The following NCF2 variants were observed in gnomAD, a reference collection of about 807,000 sequenced individuals.
The protein encoded by NCF2 is neutrophil cytosol factor 2.
In NCF2, 45 loss-of-function variants were observed where a neutral mutation model predicts 70.9. That is an observed-to-expected ratio of 0.63 (90% CI 0.50 to 0.81). The LOEUF (loss-of-function observed/expected upper bound fraction) is 0.81. NCF2 is among the 40% of genes least tolerant of loss of function. The probability of loss-of-function intolerance (pLI) is 0.00; values close to 1 mark genes in which losing one functional copy is unlikely to be tolerated. For missense variants in NCF2, 522 were observed against 631.6 expected, an observed-to-expected ratio of 0.83 and a Z score of 1.86; for synonymous variants, 203 against 233.6, an observed-to-expected ratio of 0.87 and a Z score of 1.19.
In NCF2 at chr1:183,556,123, CTT is replaced by C; in HGVS notation, c.1574_1575del (p.Glu525GlyfsTer23). ...ATTDLESTRR[E>X]V Reference sequence around the variant, plus strand: ...TTTGTAGTTTGTGAAACATCCTAGACTTCTCTCCGAGTGCTTTCCAAATCTGT... The same window carrying C: ...TTTGTAGTTTGTGAAACATCCTAGACCTCTCCGAGTGCTTTCCAAATCTGT... On this transcript the variant is annotated frameshift_variant, in exon 15 of 15. Coordinates refer to ENST00000367535, the MANE Select transcript of NCF2 (RefSeq NM_000433.4). LOFTEE classifies it high-confidence loss of function. The C allele has an allele frequency of 6.2e-7, 1 of 1,613,790 alleles. No individual in the cohort carries two copies. Among genetic ancestry groups the C allele is most frequent in the Non-Finnish European group, 8.5e-7 (1 of 1,179,654 alleles).
intron 2 of NCF2, among the ~76,000 whole-genome samples, chr1:183,586,035 T>G (rs789187): frequency 0.028 from 4,292 of 152,288 alleles, 215 homozygotes; most frequent in African/African-American, 0.097. Context: ...TTGAAATCTG[T>G]TTTTAAATTT....
At chr1:183,577,541 T>A in intron 3 of NCF2, 58 bp downstream of exon 3, 2 of 1,364,078 alleles carry the variant, frequency 1.5e-6, no homozygotes, top group Non-Finnish European at 2.1e-6. Flanking sequence ...ATCTGAACTG[T>A]CAGCCATCCA....
chr1:183,589,320 C>A (rs543317288), intron 1 of NCF2, among the ~76,000 whole-genome samples: 2 of 152,270 alleles, frequency 1.3e-5, no homozygotes, highest in South Asian at 4.1e-4. Flanking sequence ...AATAGTTTGG[C>A]ATCTCACTTA....
chr1:183,574,668 CA>C (rs1421355522), intron 3 of NCF2, 47 bp from the exon 4 acceptor site: 6 of 1,610,142 alleles, frequency 3.7e-6, no homozygotes, highest in Non-Finnish European at 5.1e-6. Context: ...TACTCCAAAT[CA>C]AGGTGCCAGG....
chr1:183,584,197 A>G (rs1673236359), intron 2 of NCF2, among the ~76,000 whole-genome samples: 1 of 152,206 alleles, frequency 6.6e-6, no homozygotes, highest in South Asian at 2.1e-4. Context: ...CTTCATATCT[A>G]TAGCCCCTGA....
Position 183,555,672 on chromosome 1 carries a change from G to GTACT in NCF2, c.*442_*445dup, listed in dbSNP as rs767143237. 20 of 191,178 alleles carry GTACT rather than the reference G, an allele frequency of 1.0e-4. No individual in the cohort carries two copies. Among genetic ancestry groups the GTACT allele is most frequent in the East Asian group, 1.0e-3 (8 of 7,948 alleles). 11.8% of individuals were successfully genotyped at this position (191,178 alleles called of 1,614,324 possible). A position where few individuals can be genotyped will look rare whatever the true frequency, so the allele number is the denominator to read the frequency against. ...TAATGGTTCAGAAACAGGAATATTT[G>GTACT]TACTTACTCCTTGGGCCTGGACTTG... On this transcript the variant is annotated 3_prime_UTR_variant, in exon 15 of 15. Coordinates refer to ENST00000367535, the MANE Select transcript of NCF2 (RefSeq NM_000433.4).
At chr1:183,597,735 A>T in the NCF2 span, 2 of 152,240 alleles carry the variant, frequency 1.3e-5, no homozygotes, top group Admixed American at 6.5e-5. Context: ...TGCAAAACAA[A>T]ATTTTTAAAG....
intron 4 of NCF2, 32 bp from the exon 5 acceptor site, chr1:183,573,324 GT>G: frequency 6.3e-7 from 1 of 1,587,334 alleles, no homozygotes; most frequent in Non-Finnish European, 8.7e-7. Context: ...ATTCCCTTAT[GT>G]GAAAATGGGG....
At chr1:183,600,963 T>G in the NCF2 span, among the ~76,000 whole-genome samples, 2 of 152,376 alleles carry the variant, frequency 1.3e-5, no homozygotes, top group African/African-American at 4.8e-5. Context: ...TTTGAGGCAC[T>G]ACATGGACAC....
At chr1:183,584,184 G>A (rs1006424534) in intron 2 of NCF2, among the ~76,000 whole-genome samples, 7 of 152,174 alleles carry the variant, frequency 4.6e-5, no homozygotes, top group African/African-American at 1.7e-4. Context: ...GTTCACATAC[G>A]GACTTCATAT....
intron 2 of NCF2, 142 bp downstream of exon 2, chr1:183,586,753 T>A: frequency 1.3e-6 from 1 of 769,500 alleles, no homozygotes; most frequent in Non-Finnish European, 2.3e-6. Flanking sequence ...TGCTGATTTA[T>A]TGCATAACTG....
intron 2 of NCF2, among the ~76,000 whole-genome samples, chr1:183,582,516 C>A (rs914884721): frequency 3.9e-5 from 6 of 152,210 alleles, no homozygotes; most frequent in African/African-American, 1.2e-4. Flanking sequence ...TTCTTAGTAA[C>A]CTGCTTGTTC....
intron 14 of NCF2, 97 bp from the exon 15 acceptor site, chr1:183,556,327 C>T (rs1008630309): frequency 4.9e-6 from 5 of 1,024,196 alleles, no homozygotes; most frequent in African/African-American, 4.7e-5. Context: ...TGTCACCCTT[C>T]CCCACCCCTA....
intron 2 of NCF2, among the ~76,000 whole-genome samples, chr1:183,586,463 G>A (rs1673356624): frequency 6.6e-6 from 1 of 152,190 alleles, no homozygotes; most frequent in African/African-American, 2.4e-5. Context: ...TGCAGCTGAA[G>A]TATATTTCCT....
At chr1:183,572,074 A>T (rs1672591033) in intron 5 of NCF2, among the ~76,000 whole-genome samples, 1 of 152,170 alleles carries the variant, frequency 6.6e-6, no homozygotes, top group African/African-American at 2.4e-5. Flanking sequence ...CAGCTACCCG[A>T]CCACTGGGCA....
intron 3 of NCF2, 73 bp from the exon 4 acceptor site, chr1:183,574,694 T>A: frequency 6.4e-7 from 1 of 1,561,766 alleles, no homozygotes; most frequent in South Asian, 1.1e-5. Context: ...GGCTCACACG[T>A]ATACTCTGAG....
chr1:183,566,808 GA>G, intron 9 of NCF2, 111 bp downstream of exon 9: 1 of 1,375,642 alleles, frequency 7.3e-7, no homozygotes, highest in Non-Finnish European at 1.0e-6. Context: ...CAAGACTAGT[GA>G]ATCTTTCTCC....
chr1:183,598,616 G>T, the NCF2 span, among the ~76,000 whole-genome samples: 1 of 152,108 alleles, frequency 6.6e-6, no homozygotes, highest in Non-Finnish European at 1.5e-5. Flanking sequence ...CAGCACAAAG[G>T]TCTTTTTAGT....
intron 3 of NCF2, among the ~76,000 whole-genome samples, chr1:183,574,919 T>TA (rs917575809): frequency 4.6e-5 from 7 of 152,120 alleles, no homozygotes; most frequent in South Asian, 2.1e-4. Context: ...CAAACCAGGT[T>TA]AAAAAAAAGA....
Sources: allele counts gnomAD v4.1 joint callset (sites outside exome capture counted in the v4.1 genomes callset), GRCh38; gene constraint gnomAD v4.1.1; transcripts MANE v1.5; gene names NCBI Gene and HGNC (gene_info 2026-07-23, HGNC 2026-07-21).